Variants in ZC3H12B observed in about 807,000 individuals in gnomAD.
The protein encoded by ZC3H12B is zinc finger CCCH-type containing 12B.
Under a neutral mutation model 43.9 loss-of-function variants are expected in ZC3H12B, and 7 were observed. That is an observed-to-expected ratio of 0.16 (90% confidence interval 0.09 to 0.30). ZC3H12B has a LOEUF of 0.30. ZC3H12B is among the 10% of genes least tolerant of loss of function. The probability of loss-of-function intolerance (pLI) is 1.00; values close to 1 mark genes in which losing one functional copy is unlikely to be tolerated. For synonymous variants in ZC3H12B, 222 were observed against 241.7 expected (o/e 0.92, Z 0.76); for missense variants, 475 against 670.2 (o/e 0.71, Z 3.22).
chrX:65,370,659 G>A (rs1017199291), intron 2 of ZC3H12B, among the ~76,000 whole-genome samples: 2 of 111,766 alleles, frequency 1.8e-5, no homozygotes, highest in Admixed American at 9.5e-5. Context: ...CCTACCTGTT[G>A]CCCCAGCAGC....
chrX:65,081,955 C>T, the ZC3H12B span, among the ~76,000 whole-genome samples: 13 of 111,411 alleles, frequency 1.2e-4, no homozygotes, highest in African/African-American at 3.3e-4. Context: ...AACTAGTAAT[C>T]GATAACAAGA....
chrX:65,337,702 G>A, the ZC3H12B span, among the ~76,000 whole-genome samples: 1 of 112,369 alleles, frequency 8.9e-6, no homozygotes, highest in East Asian at 2.8e-4. Flanking sequence ...TAATTCTCCA[G>A]TACAAAAGTG....
the ZC3H12B span, among the ~76,000 whole-genome samples, chrX:65,191,628 G>C: frequency 1.2e-5 from 1 of 83,948 alleles, no homozygotes; most frequent in Non-Finnish European, 2.1e-5. Flanking sequence ...TTGTATTTCT[G>C]TGGGATCAGT....
chrX:65,284,080 A>G, the ZC3H12B span, among the ~76,000 whole-genome samples: 2 of 110,917 alleles, frequency 1.8e-5, no homozygotes, highest in African/African-American at 6.6e-5. Context: ...CAAATAAATT[A>G]TACAGAGAGT....
the ZC3H12B span, among the ~76,000 whole-genome samples, chrX:65,137,588 C>A: frequency 8.9e-6 from 1 of 111,855 alleles, no homozygotes; most frequent in East Asian, 2.8e-4. Flanking sequence ...ATTATAAAAA[C>A]AATGGATCAA....
the ZC3H12B span, among the ~76,000 whole-genome samples, chrX:65,311,146 G>T: frequency 8.9e-6 from 1 of 111,864 alleles, no homozygotes; most frequent in African/African-American, 3.3e-5. Flanking sequence ...ATAGACAAGT[G>T]GGATCTAATT....
chrX:65,383,534 T>C (rs758429149), intron 2 of ZC3H12B, among the ~76,000 whole-genome samples: 1 of 111,688 alleles, frequency 9.0e-6, no homozygotes, highest in South Asian at 3.8e-4. Flanking sequence ...ATTCAGGACA[T>C]AGGCTTGGGC....
At chrX:65,337,360 G>T in the ZC3H12B span, among the ~76,000 whole-genome samples, 1 of 112,349 alleles carries the variant, frequency 8.9e-6, no homozygotes, top group Admixed American at 9.4e-5. Context: ...ATACAGTAAA[G>T]TGAAAGCAAG....
At chrX:65,253,467 G>A in the ZC3H12B span, among the ~76,000 whole-genome samples, 1 of 112,329 alleles carries the variant, frequency 8.9e-6, no homozygotes, top group East Asian at 2.8e-4. Context: ...GAGACCAGAG[G>A]GCTTGGTGCA....
the ZC3H12B span, among the ~76,000 whole-genome samples, chrX:65,253,950 T>G: frequency 8.9e-6 from 1 of 112,306 alleles, no homozygotes; most frequent in African/African-American, 3.2e-5. Context: ...GGTCTTCATG[T>G]GCACCCCACC....
chrX:65,434,820 C>T (rs893018550), intron 3 of ZC3H12B, among the ~76,000 whole-genome samples: 1 of 111,227 alleles, frequency 9.0e-6, no homozygotes, highest in Admixed American at 9.6e-5. Flanking sequence ...GAGGCCATTA[C>T]TGTCTTTTCA....
the ZC3H12B span, among the ~76,000 whole-genome samples, chrX:65,102,964 A>G: frequency 9.0e-6 from 1 of 111,588 alleles, no homozygotes; most frequent in South Asian, 3.8e-4. Context: ...CACAAGGCAG[A>G]TGGGGGCAGA....
At chrX:65,460,168 T>C (rs1187567324) in intron 3 of ZC3H12B, among the ~76,000 whole-genome samples, 1 of 111,654 alleles carries the variant, frequency 9.0e-6, no homozygotes. Context: ...GAAGGACCTC[T>C]TCAAGGAGAA....
chrX:65,115,092 G>A, the ZC3H12B span, among the ~76,000 whole-genome samples: 1 of 107,841 alleles, frequency 9.3e-6, no homozygotes, highest in African/African-American at 3.4e-5. Flanking sequence ...GGAACAGGTG[G>A]TATGTGATTA....
At chrX:65,052,758 CTT>C in the ZC3H12B span, among the ~76,000 whole-genome samples, 8 of 111,750 alleles carry the variant, frequency 7.2e-5, no homozygotes, top group Non-Finnish European at 1.5e-4. Flanking sequence ...TCAGATATCT[CTT>C]TGACATACCG....
the ZC3H12B span, among the ~76,000 whole-genome samples, chrX:65,169,023 C>T: frequency 9.0e-6 from 1 of 111,194 alleles, no homozygotes; most frequent in Admixed American, 9.6e-5. Context: ...TTTTTTGTGT[C>T]TCTGTCTCCT....
the ZC3H12B span, among the ~76,000 whole-genome samples, chrX:65,041,952 A>G: frequency 8.9e-6 from 1 of 112,109 alleles, no homozygotes; most frequent in African/African-American, 3.2e-5. Context: ...TTAACTTGTT[A>G]AAGACTTGAA....
At chrX:65,089,235 A>T in the ZC3H12B span, among the ~76,000 whole-genome samples, 1 of 111,560 alleles carries the variant, frequency 9.0e-6, no homozygotes, top group Non-Finnish European at 1.9e-5. Flanking sequence ...GTACTTACGC[A>T]AACCTAGATG....
the ZC3H12B span, among the ~76,000 whole-genome samples, chrX:65,136,876 G>T: frequency 1.8e-5 from 2 of 111,782 alleles, no homozygotes; most frequent in South Asian, 7.4e-4. Context: ...TCATCTTCCT[G>T]AAAGCAGAAA....
Sources: allele counts gnomAD v4.1 joint callset (sites outside exome capture counted in the v4.1 genomes callset), GRCh38; gene constraint gnomAD v4.1.1; transcripts MANE v1.5; gene names NCBI Gene and HGNC (gene_info 2026-07-23, HGNC 2026-07-21).